Variants in GLYATL2 observed in about 807,000 individuals in gnomAD.
GLYATL2 encodes the protein glycine N-acyltransferase-like protein 2.
GLYATL2 carries 25 observed loss-of-function variants against 21.4 expected under a neutral mutation model. The ratio of observed to expected loss-of-function variants is 1.17; its 90% CI spans 0.85 to 1.63. The LOEUF (loss-of-function observed/expected upper bound fraction) is 1.63. GLYATL2 is among the 40% of genes most tolerant of loss of function. GLYATL2 has a pLI of 0.00. For synonymous variants in GLYATL2, 114 were observed against 118.2 expected, an observed-to-expected ratio of 0.96 and a Z score of 0.23; for missense variants, 361 against 343.3, an observed-to-expected ratio of 1.05 and a Z score of -0.41.
intron 1 of GLYATL2, among the ~76,000 whole-genome samples, chr11:58,879,881 C>CA (rs1485068995): frequency 7.2e-6 from 1 of 139,620 alleles, no homozygotes; most frequent in East Asian, 2.1e-4. Flanking sequence ...TCTTTGGAGA[C>CA]AGAGTCTTGC....
intron 1 of GLYATL2, among the ~76,000 whole-genome samples, chr11:58,864,151 A>G (rs682780): frequency 0.89 from 134,974 of 152,140 alleles, 61,030 homozygotes; most frequent in Non-Finnish European, 0.98. Context: ...CAGTCCTAGA[A>G]TCTGTATCCA....
intron 1 of GLYATL2, among the ~76,000 whole-genome samples, chr11:58,881,808 A>G (rs954068190): frequency 4.6e-5 from 7 of 152,082 alleles, no homozygotes; most frequent in Admixed American, 3.9e-4. Flanking sequence ...TCATTGTTCA[A>G]TTCCCACCTA....
chr11:58,849,369 C>T (rs775738065), upstream of GLYATL2, among the ~76,000 whole-genome samples: 1 of 152,118 alleles, frequency 6.6e-6, no homozygotes, highest in Non-Finnish European at 1.5e-5. Flanking sequence ...ATCCACCTAC[C>T]TTGGCCTCCC....
intron 1 of GLYATL2, chr11:58,885,166 C>A: frequency 6.4e-6 from 1 of 157,434 alleles, no homozygotes; most frequent in Non-Finnish European, 1.4e-5. Context: ...TGAATAAATC[C>A]ATACAATGTA....
intron 1 of GLYATL2, among the ~76,000 whole-genome samples, chr11:58,867,186 C>T (rs1191839177): frequency 6.7e-6 from 1 of 148,786 alleles, no homozygotes; most frequent in Admixed American, 6.9e-5. Context: ...AGTATGCCAA[C>T]ACATAAAGAT....
upstream of GLYATL2, chr11:58,908,499 A>G (rs193077472): frequency 1.4e-5 from 3 of 212,118 alleles, no homozygotes; most frequent in East Asian, 3.4e-4. Context: ...GGAACAAGTC[A>G]TTTAGTGCTA....
intron 1 of GLYATL2, among the ~76,000 whole-genome samples, chr11:58,878,999 G>A (rs942218693): frequency 5.9e-5 from 9 of 152,148 alleles, no homozygotes; most frequent in East Asian, 1.9e-4. Flanking sequence ...CTTTGTTGAT[G>A]GCTGTGGGTG....
Position 58,870,273 on chromosome 11 carries a change from A to T in GLYATL2, n.61-31905T>A, listed in dbSNP as rs1854095087. Among the ~76,000 whole-genome samples the T allele has an allele frequency of 2.0e-5, 3 of 152,176 alleles. No individual in the cohort carries two copies. In the South Asian group the frequency reaches 6.2e-4, roughly 32 times the overall value. On this transcript the variant is annotated intron_variant and non_coding_transcript_variant, in intron 1 of 4. Transcript: ENST00000533636. ...AATAGAGTTTTCTATAGGTCTAATG[A>T]TAAAACAGAATGCATGCAGAAGAAA...
At chr11:58,857,690 A>C (rs968661110) in intron 1 of GLYATL2, among the ~76,000 whole-genome samples, 8 of 152,108 alleles carry the variant, frequency 5.3e-5, no homozygotes, top group African/African-American at 1.9e-4. Flanking sequence ...TCATGTTGTC[A>C]CTGGACTAGC....
chr11:58,888,589 C>G (rs1261221634), intron 1 of GLYATL2, among the ~76,000 whole-genome samples: 1 of 151,792 alleles, frequency 6.6e-6, no homozygotes, highest in Non-Finnish European at 1.5e-5. Context: ...ACATAAATCT[C>G]TATTTTGTCA....
intron 1 of GLYATL2, among the ~76,000 whole-genome samples, chr11:58,871,132 A>G (rs540157902): frequency 6.6e-6 from 1 of 152,278 alleles, no homozygotes; most frequent in East Asian, 1.9e-4. Flanking sequence ...TCTGAGACAT[A>G]ATGAATTTGA....
chr11:58,850,187 C>G (rs1474495298), intron 1 of GLYATL2, among the ~76,000 whole-genome samples: 1 of 152,156 alleles, frequency 6.6e-6, no homozygotes, highest in East Asian at 1.9e-4. Flanking sequence ...AGGCTTTCAG[C>G]TTTTCCCCAT....
At chr11:58,864,619 G>T (rs376414479) in intron 1 of GLYATL2, among the ~76,000 whole-genome samples, 1 of 149,324 alleles carries the variant, frequency 6.7e-6, no homozygotes, top group Admixed American at 6.9e-5. Flanking sequence ...TTCCATGCCT[G>T]TGGGTGGGGT....
chr11:58,853,682 TTAAC>T (rs1230131292), intron 1 of GLYATL2, among the ~76,000 whole-genome samples: 1 of 152,236 alleles, frequency 6.6e-6, no homozygotes, highest in African/African-American at 2.4e-5. Context: ...TTTCTAATTA[TTAAC>T]TATTTATTTA....
intron 1 of GLYATL2, among the ~76,000 whole-genome samples, chr11:58,867,631 C>A (rs1854044729): frequency 6.7e-6 from 1 of 148,826 alleles, no homozygotes; most frequent in Non-Finnish European, 1.5e-5. Flanking sequence ...ACCTGTGAAA[C>A]CAGAATTCAT....
At chr11:58,865,764 G>A (rs1450498938) in intron 1 of GLYATL2, among the ~76,000 whole-genome samples, 1 of 148,718 alleles carries the variant, frequency 6.7e-6, no homozygotes, top group Non-Finnish European at 1.5e-5. Flanking sequence ...CACTGTTTTA[G>A]GACATGACTT....
Position 58,874,430 on chromosome 11 carries a change from C to T in GLYATL2, n.60+29726G>A, listed in dbSNP as rs530427488. Among the ~76,000 whole-genome samples the T allele has an allele frequency of 4.6e-5, 7 of 152,280 alleles. No homozygotes were observed. In the South Asian group the frequency reaches 1.0e-3, roughly 23 times the overall value. ...TGCTTTCTCTTATGGGCATTTAGTG[C>T]TATAAATTTCCCTCTACACACTGCT... On this transcript the variant is annotated intron_variant and non_coding_transcript_variant, in intron 1 of 4. Transcript: ENST00000533636.
At chr11:58,860,385 G>T (rs1374755326) in intron 1 of GLYATL2, among the ~76,000 whole-genome samples, 1 of 151,982 alleles carries the variant, frequency 6.6e-6, no homozygotes, top group African/African-American at 2.4e-5. Context: ...CAAACAGGAT[G>T]ATTTTCTTTG....
chr11:58,836,195 G>A (rs983267517), intron 5 of GLYATL2, among the ~76,000 whole-genome samples: 2 of 152,016 alleles, frequency 1.3e-5, no homozygotes, highest in Non-Finnish European at 2.9e-5. Context: ...TACACAAATG[G>A]TAGCATATTA....
Sources: gnomAD v4.1 joint callset for allele counts (sites outside exome capture counted in the v4.1 genomes callset) on GRCh38, gnomAD v4.1.1 for gene constraint, MANE v1.5 for transcripts, NCBI Gene and HGNC (gene_info 2026-07-23, HGNC 2026-07-21) for gene names.